Variants in USP12 observed in about 807,000 individuals in gnomAD.
USP12 encodes ubiquitin carboxyl-terminal hydrolase 12.
USP12 carries 19 observed loss-of-function variants against 45.5 expected under a neutral mutation model. The observed-to-expected ratio is 0.42, with a 90% confidence interval of 0.29 to 0.61. USP12 has a LOEUF of 0.61. Ranked by LOEUF, USP12 falls within the 20% of genes least tolerant of loss-of-function variation. The pLI, the probability that USP12 is intolerant of heterozygous loss-of-function variation, is 0.22. For synonymous variants in USP12, 149 were observed against 148.8 expected, an observed-to-expected ratio of 1.00 and a Z score of -0.01; for missense variants, 242 against 447.7, an observed-to-expected ratio of 0.54 and a Z score of 4.15.
intron 6 of USP12, among the ~76,000 whole-genome samples, chr13:27,084,877 G>A (rs933068218): frequency 6.6e-6 from 1 of 152,118 alleles, no homozygotes; most frequent in African/African-American, 2.4e-5. Flanking sequence ...AGGGTCTTCT[G>A]TGATTCCATG....
chr13:27,135,672 G>A (rs575309942), intron 1 of USP12, among the ~76,000 whole-genome samples: 5 of 152,176 alleles, frequency 3.3e-5, no homozygotes, highest in Admixed American at 1.3e-4. Flanking sequence ...CCGAGATTGC[G>A]CCACTGCACT....
intron 1 of USP12, among the ~76,000 whole-genome samples, chr13:27,165,782 A>C (rs529033913): frequency 6.6e-6 from 1 of 152,332 alleles, no homozygotes; most frequent in Non-Finnish European, 1.5e-5. Flanking sequence ...CCAGTTTTAA[A>C]GAAAGAAAAA....
intron 2 of USP12, 134 bp downstream of exon 2, chr13:27,116,382 C>T: frequency 1.5e-6 from 1 of 668,394 alleles, no homozygotes. Flanking sequence ...TTTCAAAATT[C>T]CCAATCAAGT....
intron 6 of USP12, among the ~76,000 whole-genome samples, chr13:27,086,267 A>G (rs1020840510): frequency 1.7e-4 from 10 of 57,920 alleles, no homozygotes; most frequent in African/African-American, 5.1e-4. Context: ...ACATATACAT[A>G]CACATATATA....
chr13:27,107,503 T>A (rs1481468303), intron 2 of USP12, among the ~76,000 whole-genome samples: 1 of 152,066 alleles, frequency 6.6e-6, no homozygotes, highest in Non-Finnish European at 1.5e-5. Flanking sequence ...CCTTGTAAAC[T>A]TCAGTTAGAA....
intron 1 of USP12, among the ~76,000 whole-genome samples, chr13:27,139,159 T>C (rs1876940789): frequency 6.6e-6 from 1 of 152,224 alleles, no homozygotes; most frequent in African/African-American, 2.4e-5. Context: ...CAAGATACCA[T>C]ACCTAACATG....
intron 1 of USP12, among the ~76,000 whole-genome samples, chr13:27,137,754 C>A (rs138986124): frequency 1.1e-3 from 166 of 152,308 alleles, no homozygotes; most frequent in African/African-American, 3.8e-3. Flanking sequence ...TGCTTCTAAC[C>A]AGTAGAAAAT....
chr13:27,098,163 T>C (rs974623376), intron 3 of USP12, among the ~76,000 whole-genome samples: 3 of 152,084 alleles, frequency 2.0e-5, no homozygotes, highest in Admixed American at 1.3e-4. Flanking sequence ...CTCAAAAAGT[T>C]TCAGATTTCT....
chr13:27,171,603 T>C lies in USP12; in HGVS notation c.37A>G (p.Ile13Val). 7.9e-7 allele frequency: 1 copy of C among 1,273,640 alleles called. No individual in the cohort carries two copies. Among genetic ancestry groups the C allele is most frequent in the Non-Finnish European group, 1.0e-6 (1 of 976,434 alleles). 78.9% of individuals were successfully genotyped at this position (1,273,640 alleles called of 1,614,324 possible). ...TCGCCGCCACCTACCATGGTACAGA[T>C]GGAGGCGAATTTGGAGACTGTCATT... ...ILMTVSKFAS[I>V]CTMGANASAL... The change falls in exon 1 of 9, where the codon ATC becomes GTC. Residue 13 changes from isoleucine (I) to valine (V), a missense_variant. By Grantham distance (29) the Ile-to-Val change is conservative. Around this residue, in one of 5 missense-constraint regions of USP12, gnomAD observed 19 missense variants for 16.1 expected, o/e 1.18. Transcript: ENST00000282344.
chr13:27,108,956 A>ATGTG (rs541238759), intron 2 of USP12, among the ~76,000 whole-genome samples: 1 of 151,662 alleles, frequency 6.6e-6, no homozygotes, highest in South Asian at 2.1e-4. Flanking sequence ...AAAGATACAT[A>ATGTG]TGTGTGTGTG....
At chr13:27,111,045 G>C (rs1051261232) in intron 2 of USP12, among the ~76,000 whole-genome samples, 2 of 152,262 alleles carry the variant, frequency 1.3e-5, no homozygotes, top group East Asian at 3.9e-4. Flanking sequence ...TGGAAGTCAG[G>C]CTCACACTTC....
At chr13:27,122,909 T>C (rs974578705) in intron 1 of USP12, among the ~76,000 whole-genome samples, 5 of 151,618 alleles carry the variant, frequency 3.3e-5, no homozygotes, top group South Asian at 2.1e-4. Context: ...CTGGCTAACA[T>C]GGTGAAACCC....
At position 27,105,857 on chromosome 13, in the gene USP12, G is replaced by GCGTAT; in HGVS notation, c.216_217insATACG (p.Gln73IlefsTer14). On this transcript the variant is annotated frameshift_variant, in exon 3 of 9. Transcript: ENST00000282344. LOFTEE classifies it high-confidence loss of function. ...AGAAGGCTCTCCTTTTTCCTAGGTT[G>GCGTAT]ACTCTTATACGCAAGAACTTTTTCC... 1.2e-6 allele frequency: 2 copies of GCGTAT among 1,613,774 alleles called. No individual in the cohort carries two copies. The highest frequency in any genetic ancestry group is 1.7e-6 in the Non-Finnish European group (2 of 1,179,800).
At chr13:27,117,198 G>C (rs1212323011) in intron 1 of USP12, among the ~76,000 whole-genome samples, 1 of 152,160 alleles carries the variant, frequency 6.6e-6, no homozygotes, top group Non-Finnish European at 1.5e-5. Context: ...CCAAAGCCTG[G>C]ATCAAGGAAT....
chr13:27,073,225 G>C (rs556502461), intron 7 of USP12, among the ~76,000 whole-genome samples: 28 of 152,052 alleles, frequency 1.8e-4, no homozygotes, highest in Middle Eastern at 3.4e-3. Context: ...GTGGGGGCGG[G>C]ATACCAAAGA....
chr13:27,144,499 TAAAAAAA>T (rs56311173), intron 1 of USP12, among the ~76,000 whole-genome samples: 1 of 118,072 alleles, frequency 8.5e-6, no homozygotes, highest in Non-Finnish European at 1.7e-5. Flanking sequence ...AGACTCTCTT[TAAAAAAA>T]AAAAAAAAAA....
intron 2 of USP12, among the ~76,000 whole-genome samples, chr13:27,106,251 A>G (rs973136884): frequency 6.6e-6 from 1 of 152,148 alleles, no homozygotes; most frequent in Admixed American, 6.6e-5. Flanking sequence ...TCTAGCAACC[A>G]CTGAAATGCC....
chr13:27,131,902 T>C (rs1040740308), intron 1 of USP12, among the ~76,000 whole-genome samples: 1 of 152,194 alleles, frequency 6.6e-6, no homozygotes, highest in African/African-American at 2.4e-5. Context: ...CTTAATTCTG[T>C]GCTTTTGCAA....
intron 6 of USP12, among the ~76,000 whole-genome samples, chr13:27,086,470 AAT>A (rs1233503832): frequency 6.6e-6 from 1 of 151,658 alleles, no homozygotes; most frequent in African/African-American, 2.4e-5. Context: ...TATACACAAA[AAT>A]GTTAACATTT....
Sources: allele counts gnomAD v4.1 joint callset (sites outside exome capture counted in the v4.1 genomes callset), GRCh38; gene constraint gnomAD v4.1.1; regional missense constraint gnomAD v4.1.1; transcripts MANE v1.5; gene names NCBI Gene and HGNC (gene_info 2026-07-23, HGNC 2026-07-21).